GAP43: variants seen among roughly 807,000 people sequenced by gnomAD.
The protein encoded by GAP43 is neuromodulin.
In GAP43, 6 loss-of-function variants were observed where a neutral mutation model predicts 18.6. The observed-to-expected ratio is 0.32, with a 90% CI of 0.18 to 0.64. The LOEUF (loss-of-function observed/expected upper bound fraction) is 0.64. Ranked by LOEUF, GAP43 falls within the 30% of genes least tolerant of loss-of-function variation. The pLI, the probability that GAP43 is intolerant of heterozygous loss-of-function variation, is 0.78. For missense variants in GAP43, 292 were observed against 295.5 expected (o/e 0.99, Z 0.09); for synonymous variants, 115 against 111.4 (o/e 1.03, Z -0.20).
chr3:115,623,633 A>G lies in GAP43; in HGVS notation c.-57A>G. The stretch of plus-strand genomic sequence containing the variant: ...AAAAGAGGTGGAGAGGGGGGGAATA[A>G]GAAAGAGAGAGAAGGAAAGGAGAGA... On this transcript the variant is annotated 5_prime_UTR_variant, in exon 1 of 3. Transcript: ENST00000305124. 6.2e-7 allele frequency: 1 copy of G among 1,607,950 alleles called. No homozygotes were observed. The highest frequency in any genetic ancestry group is 1.7e-5 in the Admixed American group (1 of 59,928).
intron 2 of GAP43, among the ~76,000 whole-genome samples, chr3:115,711,869 G>T (rs1242738874): frequency 6.6e-6 from 1 of 152,140 alleles, no homozygotes; most frequent in Non-Finnish European, 1.5e-5. Flanking sequence ...ACCTTTAGAA[G>T]TTGACTTATT....
intron 2 of GAP43, among the ~76,000 whole-genome samples, chr3:115,696,007 C>T (rs1396636012): frequency 6.6e-6 from 1 of 151,976 alleles, no homozygotes; most frequent in Non-Finnish European, 1.5e-5. Flanking sequence ...GTTGAGTTAC[C>T]CCACAGCTAA....
intron 1 of GAP43, among the ~76,000 whole-genome samples, chr3:115,626,849 G>A (rs1012434999): frequency 2.0e-5 from 3 of 151,956 alleles, no homozygotes; most frequent in Non-Finnish European, 4.4e-5. Flanking sequence ...TTAAAATTCC[G>A]ACCTCTCTGC....
At position 115,689,521 on chromosome 3, in the gene GAP43, A is replaced by T. The variant is rs534238169; in HGVS notation, c.628+12911A>T. 4.6e-5 allele frequency among the ~76,000 whole-genome samples: 7 copies of T among 152,348 alleles called. No homozygotes were observed. In the East Asian group the frequency reaches 1.4e-3, roughly 29 times the overall value. ...CTAAGAGTTTTTCAGGCAAGTGTCCATCTTTATTGCTTGCAGCCCAGTTCT... is the reference window on the plus strand; with the variant it reads ...CTAAGAGTTTTTCAGGCAAGTGTCCTTCTTTATTGCTTGCAGCCCAGTTCT... On this transcript the variant is annotated intron_variant, in intron 2 of 2. Coordinates refer to ENST00000305124, the MANE Select transcript of GAP43 (RefSeq NM_002045.4).
At chr3:115,691,356 C>CCTAT in intron 2 of GAP43, among the ~76,000 whole-genome samples, 1 of 152,292 alleles carries the variant, frequency 6.6e-6, no homozygotes, top group East Asian at 1.9e-4. Context: ...TGGAATCGGA[C>CCTAT]CTATCTATGT....
At chr3:115,647,363 T>C (rs186929420) in intron 1 of GAP43, among the ~76,000 whole-genome samples, 2 of 152,176 alleles carry the variant, frequency 1.3e-5, no homozygotes, top group East Asian at 3.9e-4. Context: ...TTTTGTTTTC[T>C]AATAGCAGTG....
chr3:115,698,027 G>GTATATAAAATATATAATATATATAA (rs1559804073), intron 2 of GAP43, among the ~76,000 whole-genome samples: 1 of 77,570 alleles, frequency 1.3e-5, no homozygotes, highest in African/African-American at 6.2e-5. Flanking sequence ...TATATAACAT[G>GTATATAAAATATATAATATATATAA]TATATAAAAT....
chr3:115,650,250 A>G (rs1708505557), intron 1 of GAP43, among the ~76,000 whole-genome samples: 1 of 152,044 alleles, frequency 6.6e-6, no homozygotes, highest in Admixed American at 6.6e-5. Context: ...CGCTGGGTGT[A>G]TTTCTATGGT....
At chr3:115,669,611 C>A (rs979207157) in intron 1 of GAP43, among the ~76,000 whole-genome samples, 1 of 152,006 alleles carries the variant, frequency 6.6e-6, no homozygotes, top group East Asian at 1.9e-4. Context: ...TATAGATATA[C>A]AAAATAAAAG....
At chr3:115,673,396 G>C (rs1273190706) in intron 1 of GAP43, among the ~76,000 whole-genome samples, 4 of 152,154 alleles carry the variant, frequency 2.6e-5, no homozygotes, top group Admixed American at 6.6e-5. Flanking sequence ...AAAAGACAGA[G>C]CTCTAAAATG....
intron 2 of GAP43, among the ~76,000 whole-genome samples, chr3:115,677,306 C>T (rs940625119): frequency 6.6e-6 from 1 of 152,064 alleles, no homozygotes; most frequent in African/African-American, 2.4e-5. Flanking sequence ...TGAAGTCAAA[C>T]ATAAATAATC....
intron 2 of GAP43, among the ~76,000 whole-genome samples, chr3:115,710,502 C>T (rs904523754): frequency 6.6e-6 from 1 of 152,082 alleles, no homozygotes; most frequent in Non-Finnish European, 1.5e-5. Context: ...TAAAAAAGCA[C>T]TGCTATAGTT....
At chr3:115,716,750 A>G (rs1377449097) in intron 2 of GAP43, among the ~76,000 whole-genome samples, 1 of 127,552 alleles carries the variant, frequency 7.8e-6, no homozygotes, top group East Asian at 2.2e-4. Context: ...ATATATATAT[A>G]TATATATATA....
chr3:115,676,117 C>T lies in GAP43; in HGVS notation c.135C>T (p.His45=). ...ATKIQASFRG[H]ITRKKLKGEK... is the part of the protein sequence containing the mutation. ...AAATTCAGGCTAGCTTCCGTGGACA[C>T]ATAACAAGGAAAAAGCTCAAAGGAG... Residue 45 remains histidine, a synonymous_variant, in exon 2 of 3, where the codon CAC becomes CAT. Transcript: ENST00000305124. 6.2e-7 allele frequency: 1 copy of T among 1,614,110 alleles called. No homozygotes were observed.
intron 1 of GAP43, among the ~76,000 whole-genome samples, chr3:115,638,249 AAAACC>A (rs1708354566): frequency 1.3e-5 from 2 of 152,080 alleles, no homozygotes; most frequent in Non-Finnish European, 2.9e-5. Context: ...ACGTAGAATC[AAAACC>A]AAACTTAATA....
intron 2 of GAP43, among the ~76,000 whole-genome samples, chr3:115,688,224 G>GTTTCGCCATGTTGC (rs1709059808): frequency 6.6e-6 from 1 of 152,006 alleles, no homozygotes; most frequent in Admixed American, 6.6e-5. Flanking sequence ...CGCCATGTTG[G>GTTTCGCCATGTTGC]TTTCACCAGG....
At chr3:115,700,233 C>T (rs370509682) in intron 2 of GAP43, among the ~76,000 whole-genome samples, 4 of 152,160 alleles carry the variant, frequency 2.6e-5, no homozygotes, top group Non-Finnish European at 5.9e-5. Flanking sequence ...CATGTCTGAA[C>T]GCAGACTAAA....
At chr3:115,716,681 A>G (rs532674268) in intron 2 of GAP43, among the ~76,000 whole-genome samples, 5 of 133,272 alleles carry the variant, frequency 3.8e-5, no homozygotes, top group South Asian at 2.5e-4. Flanking sequence ...TTAATATTCA[A>G]TAATATCAAG....
intron 1 of GAP43, among the ~76,000 whole-genome samples, chr3:115,647,961 T>C (rs968125124): frequency 3.9e-5 from 6 of 152,142 alleles, no homozygotes; most frequent in African/African-American, 1.2e-4. Flanking sequence ...AGAGTGTTCA[T>C]AATTGAAATT....
Sources: allele counts gnomAD v4.1 joint callset (sites outside exome capture counted in the v4.1 genomes callset), GRCh38; gene constraint gnomAD v4.1.1; transcripts MANE v1.5; gene names NCBI Gene and HGNC (gene_info 2026-07-23, HGNC 2026-07-21).